Variants in FRMD4A observed in about 807,000 individuals in gnomAD.
The protein encoded by FRMD4A is FERM domain containing 4A.
A neutral mutation model predicts 129.1 loss-of-function variants in FRMD4A; 29 were observed. The observed-to-expected ratio is 0.22, with a 90% CI of 0.17 to 0.31. FRMD4A has a LOEUF of 0.31. Among genes scored for constraint, FRMD4A ranks in the 10% least tolerant of loss-of-function variants. The probability of loss-of-function intolerance (pLI) is 1.00; values close to 1 mark genes in which losing one functional copy is unlikely to be tolerated. For missense variants in FRMD4A, 1,272 were observed against 1,375.8 expected, an observed-to-expected ratio of 0.92 and a Z score of 1.19; for synonymous variants, 634 against 571.6, an observed-to-expected ratio of 1.11 and a Z score of -1.56.
In FRMD4A at chr10:13,947,587, T is replaced by C. The variant is rs112285245; in HGVS notation, c.46-88675A>G. Among the ~76,000 whole-genome samples, 451 of 150,640 alleles carry C rather than the reference T, an allele frequency of 3.0e-3. 5 individuals are homozygous for C. The highest frequency in any genetic ancestry group is 0.01 in the African/African-American group (414 of 40,834). On this transcript the variant is annotated intron_variant, in intron 2 of 24. Transcript: ENST00000357447. Reference sequence around the variant, plus strand: ...TTATAAAAGAGACACACATGCAACATGCATACACACACACACACGTGCACA... The same window carrying C: ...TTATAAAAGAGACACACATGCAACACGCATACACACACACACACGTGCACA...
intron 2 of FRMD4A, among the ~76,000 whole-genome samples, chr10:14,231,275 AC>A (rs1843628831): frequency 6.6e-6 from 1 of 151,676 alleles, no homozygotes; most frequent in Admixed American, 6.6e-5. Flanking sequence ...CTGCAGCCTC[AC>A]CATCATCTGT....
chr10:13,820,685 C>T (rs886337488), intron 3 of FRMD4A, among the ~76,000 whole-genome samples: 4 of 152,182 alleles, frequency 2.6e-5, no homozygotes, highest in Admixed American at 1.3e-4. Flanking sequence ...TTTGACAATC[C>T]CTTTGTCACT....
At chr10:13,717,727 G>C (rs1241438259) in intron 12 of FRMD4A, among the ~76,000 whole-genome samples, 2 of 148,928 alleles carry the variant, frequency 1.3e-5, no homozygotes, top group South Asian at 2.2e-4. Flanking sequence ...GTGGCGGGGG[G>C]GGTTGGCAGT....
Position 13,981,738 on chromosome 10 carries a change from CAAAAAAAAAAAA to C in FRMD4A, c.46-122838_46-122827del, listed in dbSNP as rs55829400. Among the ~76,000 whole-genome samples, 384 of 97,674 alleles carry C rather than the reference CAAAAAAAAAAAA, an allele frequency of 3.9e-3. 4 individuals are homozygous for C. The highest frequency in any genetic ancestry group is 0.013 in the East Asian group (59 of 4,556). The allele number at this position is 97,674 out of a possible 152,430, so 64.1% of individuals were successfully genotyped here. A position where few individuals can be genotyped will look rare whatever the true frequency, so the allele number is the denominator to read the frequency against. On this transcript the variant is annotated intron_variant, in intron 2 of 24. Transcript: ENST00000357447. ...TGGGCAACAGGGCAAGACTCCGTGT[CAAAAAAAAAAAA>C]AAAAAAAAAAAAAAAAGGGAGGCCA...
chr10:14,171,962 G>A (rs768522402), intron 2 of FRMD4A, among the ~76,000 whole-genome samples: 2 of 152,082 alleles, frequency 1.3e-5, no homozygotes, highest in East Asian at 1.9e-4. Flanking sequence ...TCTTCTCTTC[G>A]GATAAATTAA....
At chr10:13,863,957 T>C (rs892376637) in intron 2 of FRMD4A, among the ~76,000 whole-genome samples, 1 of 152,092 alleles carries the variant, frequency 6.6e-6, no homozygotes, top group Non-Finnish European at 1.5e-5. Context: ...TAATAGAATT[T>C]AACGTTTGGC....
At chr10:13,691,141 C>A (rs10906448) in intron 15 of FRMD4A, among the ~76,000 whole-genome samples, 1 of 151,796 alleles carries the variant, frequency 6.6e-6, no homozygotes, top group Non-Finnish European at 1.5e-5. Context: ...GTGTGCACCA[C>A]CATGCCTGGC....
chr10:13,861,098 C>T (rs143607085), intron 2 of FRMD4A, among the ~76,000 whole-genome samples: 180 of 152,328 alleles, frequency 1.2e-3, no homozygotes, highest in African/African-American at 3.8e-3. Context: ...ACTGCACTCA[C>T]GGCTCAGTCC....
chr10:14,172,702 C>A (rs1265646579), intron 2 of FRMD4A, among the ~76,000 whole-genome samples: 1 of 152,166 alleles, frequency 6.6e-6, no homozygotes, highest in South Asian at 2.1e-4. Context: ...TGTCATTTGC[C>A]ATTTTCTTTG....
intron 2 of FRMD4A, chr10:13,971,725 G>C (rs1324659166): frequency 7.7e-7 from 1 of 1,304,210 alleles, no homozygotes; most frequent in African/African-American, 1.5e-5. Flanking sequence ...TCCTCACTTG[G>C]CAGGTCCTCA....
intron 8 of FRMD4A, among the ~76,000 whole-genome samples, chr10:13,749,281 C>G (rs2091449957): frequency 6.6e-6 from 1 of 152,118 alleles, no homozygotes; most frequent in Non-Finnish European, 1.5e-5. Flanking sequence ...TTATATTAAC[C>G]AAGGCAAATA....
At chr10:14,296,834 C>T (rs774208714) in intron 2 of FRMD4A, among the ~76,000 whole-genome samples, 1 of 152,132 alleles carries the variant, frequency 6.6e-6, no homozygotes, top group Non-Finnish European at 1.5e-5. Context: ...GGAAATGAAG[C>T]GCATACAACT....
At chr10:14,114,028 G>A (rs1432265399) in intron 2 of FRMD4A, among the ~76,000 whole-genome samples, 1 of 152,206 alleles carries the variant, frequency 6.6e-6, no homozygotes, top group Non-Finnish European at 1.5e-5. Flanking sequence ...TGCAGTCTCA[G>A]TAGGGGGTGC....
rs111817535 is a variant in FRMD4A, at chr10:13,747,275, G to A, written c.548+461C>T. ...GGGCCAGGCGTGGTAGCTCACCCCT[G>A]TAATCCCAGCACTTTGGGAGGCCGA... is the stretch of plus-strand genomic sequence containing the variant. On this transcript the variant is annotated intron_variant, in intron 9 of 24. Transcript: ENST00000357447. Among the ~76,000 whole-genome samples the A allele has an allele frequency of 2.9e-4, 44 of 152,110 alleles. 2 individuals are homozygous for A. Among genetic ancestry groups the A allele is most frequent in the African/African-American group, 1.0e-3 (42 of 41,536 alleles).
At chr10:14,080,105 C>T (rs970323775) in intron 2 of FRMD4A, among the ~76,000 whole-genome samples, 3 of 152,156 alleles carry the variant, frequency 2.0e-5, no homozygotes, top group Admixed American at 6.5e-5. Flanking sequence ...CTGCCTGGGT[C>T]TGCAAAAGGA....
chr10:14,054,997 A>C lies in FRMD4A; in HGVS notation c.46-196085T>G, dbSNP rs577313314. 7.9e-5 allele frequency among the ~76,000 whole-genome samples: 12 copies of C among 152,268 alleles called. No homozygotes were observed. In the South Asian group the frequency reaches 2.5e-3, roughly 32 times the overall value. ...CTTTATAAATTACCCAGTCTCAGGT[A>C]TGTCCTTATAGCAGTGTGAGAATGG... is the stretch of plus-strand genomic sequence containing the variant. On this transcript the variant is annotated intron_variant, in intron 2 of 24. Coordinates refer to ENST00000357447, the MANE Select transcript of FRMD4A (RefSeq NM_018027.5).
intron 2 of FRMD4A, among the ~76,000 whole-genome samples, chr10:14,251,195 C>T (rs1025174627): frequency 6.6e-6 from 1 of 152,124 alleles, no homozygotes; most frequent in African/African-American, 2.4e-5. Context: ...ATTCAATAGA[C>T]TATTAATTAG....
intron 2 of FRMD4A, among the ~76,000 whole-genome samples, chr10:14,027,938 C>T (rs867023544): frequency 4.6e-5 from 7 of 152,026 alleles, no homozygotes; most frequent in African/African-American, 1.7e-4. Flanking sequence ...ATGATATGAG[C>T]CACTTGGAGT....
intron 2 of FRMD4A, among the ~76,000 whole-genome samples, chr10:13,864,352 A>AAAG (rs1471979810): frequency 2.7e-5 from 4 of 150,626 alleles, no homozygotes; most frequent in South Asian, 4.2e-4. Context: ...AAAAAAAAAA[A>AAAG]AAGAAAAAAA....
Sources: allele counts gnomAD v4.1 joint callset (sites outside exome capture counted in the v4.1 genomes callset), GRCh38; gene constraint gnomAD v4.1.1; transcripts MANE v1.5; gene names NCBI Gene and HGNC (gene_info 2026-07-23, HGNC 2026-07-21).